The following MYL6B variants were observed in gnomAD, a reference collection of about 807,000 sequenced individuals.
MYL6B encodes myosin alkali light chain 1 slow a.
MYL6B carries 19 observed loss-of-function variants against 24.5 expected under a neutral mutation model. The ratio of observed to expected loss-of-function variants is 0.78; its 90% confidence interval spans 0.54 to 1.14. The LOEUF (loss-of-function observed/expected upper bound fraction) is 1.14. Ranked by LOEUF, MYL6B falls within the 50% of genes most tolerant of loss-of-function variation. The pLI, the probability that MYL6B is intolerant of heterozygous loss-of-function variation, is 0.00. For synonymous variants in MYL6B, 90 were observed against 100.7 expected (o/e 0.89, Z 0.64); for missense variants, 230 against 263.8 (o/e 0.87, Z 0.89).
At position 56,157,683 on chromosome 12, in the gene MYL6B, C is replaced by T; in HGVS notation, c.599-15C>T. 5 of 1,613,254 alleles carry T rather than the reference C, an allele frequency of 3.1e-6. No homozygotes were observed. Among genetic ancestry groups the T allele is most frequent in the Non-Finnish European group, 4.2e-6 (5 of 1,180,024 alleles). On this transcript the variant is annotated splice_polypyrimidine_tract_variant and intron_variant, in intron 6 of 6. Coordinates refer to ENST00000553066, the Ensembl canonical transcript of MYL6B. ...GGCCTGCTTCTGAAGCCCCTCTTGC[C>T]TCCTCTCTCTGCAGCCTTCTTGAAA...
Position 56,155,708 on chromosome 12 carries a change from C to T in MYL6B, c.520+116C>T, listed in dbSNP as rs1165837824. 2.8e-5 allele frequency: 44 copies of T among 1,564,032 alleles called. No homozygotes were observed. In the East Asian group the frequency reaches 4.0e-4, roughly 14 times the overall value. On this transcript the variant is annotated intron_variant, in intron 5 of 6. Coordinates refer to ENST00000553066, the Ensembl canonical transcript of MYL6B. ...GGAGGCTTACTGTCCTGCAGGTTGTCGGCAGGAGACTGAGAAGGTCAGAGC... is the reference window on the plus strand; with the variant it reads ...GGAGGCTTACTGTCCTGCAGGTTGTTGGCAGGAGACTGAGAAGGTCAGAGC...
intron 2 of MYL6B, 88 bp downstream of exon 2, chr12:56,154,180 A>G: frequency 7.4e-7 from 1 of 1,348,326 alleles, no homozygotes; most frequent in East Asian, 2.5e-5. Context: ...TCTAGAAGGT[A>G]GGGAATCAGT....
intron 5 of MYL6B, chr12:56,155,831 T>C (rs117705867): frequency 1.8e-4 from 261 of 1,421,724 alleles, no homozygotes; most frequent in East Asian, 3.1e-4. Flanking sequence ...GAATTTTCAT[T>C]TTGGAAGAGA....
rs1175444610 is a variant in MYL6B at position 56,155,812 on chromosome 12, G to A, written c.520+220G>A. The A allele has an allele frequency of 3.8e-5, 55 of 1,458,510 alleles. 1 individual carries two copies. The highest frequency in any genetic ancestry group is 2.7e-5 in the South Asian group (2 of 75,412). 90.3% of individuals were successfully genotyped at this position (1,458,510 alleles called of 1,614,324 possible). On this transcript the variant is annotated intron_variant, in intron 5 of 6. Transcript: ENST00000553066. ...GAGGGCAGAGGAAAAGGGATGAGGCGGGAAACCTGAATTTTCATTTTGGAA... is the reference window on the plus strand; with the variant it reads ...GAGGGCAGAGGAAAAGGGATGAGGCAGGAAACCTGAATTTTCATTTTGGAA...
At chr12:56,152,750 T>G (rs2136900861) in intron 1 of MYL6B, 119 bp downstream of exon 1, 1 of 152,048 alleles carries the variant, frequency 6.6e-6, no homozygotes, top group Non-Finnish European at 1.5e-5. Flanking sequence ...TGGGACAATT[T>G]GCAGTCATGA....
In MYL6B at chr12:56,154,093, G is replaced by A. The variant is rs768434784; in HGVS notation, c.174+1G>A. ...TCCAGTCGATCTCTCCAAAGTGGTG[G>A]TGAGTCTCTGGAAAGTGAAGATAGA... On this transcript the variant is annotated splice_donor_variant, in intron 2 of 6. Coordinates refer to ENST00000553066, the Ensembl canonical transcript of MYL6B. LOFTEE classifies it high-confidence loss of function. 6 of 1,610,598 alleles carry A rather than the reference G, an allele frequency of 3.7e-6. No homozygotes were observed. Among genetic ancestry groups the A allele is most frequent in the African/African-American group, 1.3e-5 (1 of 74,574 alleles).
At position 56,155,052 on chromosome 12, in the gene MYL6B, TAG is replaced by T. The variant is rs1418382984; in HGVS notation, c.203_204del. On this transcript the variant is annotated splice_acceptor_variant, in intron 3 of 6. Transcript: ENST00000553066. LOFTEE classifies it high-confidence loss of function. The stretch of plus-strand genomic sequence containing the variant: ...TCTACACTGACCCTTCCTTATACTT[TAG>T]AGTTCAAGGAGGCCTTCGAGCTGTT... The T allele has an allele frequency of 1.2e-5, 19 of 1,608,772 alleles. No homozygotes were observed. Among genetic ancestry groups the T allele is most frequent in the Non-Finnish European group, 1.5e-5 (18 of 1,177,566 alleles).
intron 5 of MYL6B, chr12:56,155,937 G>C: frequency 8.3e-7 from 1 of 1,198,932 alleles, no homozygotes. Context: ...GAAATGGAAA[G>C]CAAGAGGCAT....
intron 6 of MYL6B, 24 bp from the exon 7 acceptor site, chr12:56,157,674 C>G (rs894939555): frequency 6.2e-7 from 1 of 1,613,280 alleles, no homozygotes; most frequent in African/African-American, 1.3e-5. Flanking sequence ...CTTCTGAAGC[C>G]CCTCTTGCCT....
chr12:56,157,338 C>T (rs534315229), intron 5 of MYL6B, 130 bp from the exon 6 acceptor site: 2 of 794,738 alleles, frequency 2.5e-6, no homozygotes, highest in Admixed American at 2.6e-5. Context: ...GAGCCGAGAT[C>T]GCTCCGCTCC....
intron 2 of MYL6B, 59 bp downstream of exon 2, chr12:56,154,151 C>T (rs1346900030): frequency 3.3e-6 from 5 of 1,527,336 alleles, no homozygotes; most frequent in Non-Finnish European, 4.4e-6. Flanking sequence ...TGGGATACAG[C>T]CTAGGGGATT....
At chr12:56,157,660 C>T (rs938737520) in intron 6 of MYL6B, 38 bp from the exon 7 acceptor site, 1 of 1,613,378 alleles carries the variant, frequency 6.2e-7, no homozygotes. Flanking sequence ...TATCCAAAGG[C>T]CTGCTTCTGA....
chr12:56,153,631 C>T (rs1871193185), intron 1 of MYL6B: 2 of 344,784 alleles, frequency 5.8e-6, no homozygotes, highest in African/African-American at 2.1e-5. Flanking sequence ...CTACCTCATT[C>T]TGGGCAGTCT....
intron 1 of MYL6B, 185 bp from the exon 2 acceptor site, chr12:56,153,688 C>T (rs1027724659): frequency 2.2e-6 from 1 of 449,032 alleles, no homozygotes; most frequent in East Asian, 3.8e-5. Flanking sequence ...CTTTTCTGGT[C>T]AGCCTTTGGG....
rs28365930 is a variant in MYL6B, at chr12:56,157,555, C to CAA, written c.598+15_598+16dup. Reference sequence around the variant, plus strand: ...TGCATCAACTACGAGGGTGAGGGGACAAAAAAGCGGGAGCGGGGCCGAGGG... The same window carrying CAA: ...TGCATCAACTACGAGGGTGAGGGGACAAAAAAAAGCGGGAGCGGGGCCGAGGG... On this transcript the variant is annotated intron_variant, in intron 6 of 6. Transcript: ENST00000553066. 32 of 1,609,402 alleles carry CAA rather than the reference C, an allele frequency of 2.0e-5. No individual in the cohort carries two copies. The highest frequency in any genetic ancestry group is 8.8e-5 in the South Asian group (8 of 90,908).
intron 2 of MYL6B, 31 bp downstream of exon 2, chr12:56,154,123 G>T: frequency 6.3e-7 from 1 of 1,596,068 alleles, no homozygotes; most frequent in South Asian, 1.1e-5. Context: ...GATAGAATTG[G>T]AGGGGGTGGT....
At chr12:56,156,035 G>T in intron 5 of MYL6B, 1 of 1,110,502 alleles carries the variant, frequency 9.0e-7, no homozygotes, top group Non-Finnish European at 1.1e-6. Context: ...GCCAGGTATG[G>T]TGGCTCACGC....
intron 5 of MYL6B, among the ~76,000 whole-genome samples, chr12:56,156,583 T>G (rs910085687): frequency 2.0e-5 from 3 of 150,988 alleles, no homozygotes; most frequent in Non-Finnish European, 4.4e-5. Flanking sequence ...CCAGCCTGGG[T>G]GATAGAGCAA....
chr12:56,156,007 T>C (rs1871290167), intron 5 of MYL6B: 1 of 1,148,330 alleles, frequency 8.7e-7, no homozygotes, highest in Non-Finnish European at 1.1e-6. Flanking sequence ...GAGGTACCAC[T>C]CTAAAGAGCG....
Sources: gnomAD v4.1 joint callset for allele counts (sites outside exome capture counted in the v4.1 genomes callset) on GRCh38, gnomAD v4.1.1 for gene constraint, MANE v1.5 for transcripts, NCBI Gene and HGNC (gene_info 2026-07-23, HGNC 2026-07-21) for gene names.